The following FBXW7 variants were observed in gnomAD, a reference collection of about 807,000 sequenced individuals.
The protein encoded by FBXW7 is F-box and WD repeat domain containing 7.
Under a neutral mutation model 86.3 loss-of-function variants are expected in FBXW7, and 11 were observed. That is an observed-to-expected ratio of 0.13 (90% CI 0.08 to 0.21). FBXW7 has a LOEUF of 0.21. Among genes scored for constraint, FBXW7 ranks in the 10% least tolerant of loss-of-function variants. The pLI, the probability that FBXW7 is intolerant of heterozygous loss-of-function variation, is 1.00. For missense variants in FBXW7, 488 were observed against 847.4 expected, an observed-to-expected ratio of 0.58 and a Z score of 5.27; for synonymous variants, 313 against 297.9, an observed-to-expected ratio of 1.05 and a Z score of -0.52.
At chr4:152,452,368 T>G (rs980317934) in intron 2 of FBXW7, among the ~76,000 whole-genome samples, 3 of 152,238 alleles carry the variant, frequency 2.0e-5, no homozygotes, top group Admixed American at 2.0e-4. Flanking sequence ...AATACAGCGT[T>G]GGTCATTAAA....
chr4:152,503,415 G>A (rs2149703464), intron 2 of FBXW7, among the ~76,000 whole-genome samples: 1 of 152,032 alleles, frequency 6.6e-6, no homozygotes, highest in South Asian at 2.1e-4. Flanking sequence ...CATTACAGAT[G>A]CACACCACCA....
chr4:152,461,697 T>A (rs1742959563), intron 2 of FBXW7, among the ~76,000 whole-genome samples: 1 of 152,252 alleles, frequency 6.6e-6, no homozygotes, highest in Non-Finnish European at 1.5e-5. Context: ...TATCTAATAA[T>A]TTTTAGTTGA....
At chr4:152,392,335 C>T (rs1288844952) in intron 4 of FBXW7, among the ~76,000 whole-genome samples, 1 of 152,040 alleles carries the variant, frequency 6.6e-6, no homozygotes, top group South Asian at 2.1e-4. Flanking sequence ...ATTCAGCTTC[C>T]ACCTTGCTTG....
intron 2 of FBXW7, among the ~76,000 whole-genome samples, chr4:152,503,395 A>T (rs1416162887): frequency 2.0e-5 from 3 of 151,814 alleles, no homozygotes; most frequent in Non-Finnish European, 4.4e-5. Context: ...CTCAGCCTCC[A>T]AGTAGCTGGC....
Position 152,411,433 on chromosome 4 carries a change from T to C in FBXW7, c.371A>G (p.Asp124Gly), listed in dbSNP as rs745975806. 1.2e-6 allele frequency: 2 copies of C among 1,613,540 alleles called. No individual in the cohort carries two copies. Among genetic ancestry groups the C allele is most frequent in the South Asian group, 2.2e-5 (2 of 91,030 alleles). The change falls in exon 4 of 14, where the codon GAT becomes GGT. Residue 124 changes from aspartate to glycine, a missense_variant. Transcript: ENST00000281708. Reference sequence around the variant, plus strand: ...GCTACTATCATCAGACTGATCAAAATCGTCACTCTCCTGGTCCATCTCCTC... The same window carrying C: ...GCTACTATCATCAGACTGATCAAAACCGTCACTCTCCTGGTCCATCTCCTC... Reference protein sequence around the residue: ...EEEEMDQESDDFDQSDDSSRE... With the variant: ...EEEEMDQESDGFDQSDDSSRE...
At chr4:152,508,398 AG>A (rs930862944) in intron 2 of FBXW7, among the ~76,000 whole-genome samples, 30 of 152,322 alleles carry the variant, frequency 2.0e-4, no homozygotes, top group African/African-American at 7.2e-4. Context: ...CATCAATAAA[AG>A]TTAAAGTCTG....
intron 11 of FBXW7, among the ~76,000 whole-genome samples, chr4:152,327,584 T>C (rs1453941900): frequency 3.9e-5 from 6 of 152,046 alleles, no homozygotes. Flanking sequence ...AGAAACCATT[T>C]TGAAAACTGG....
chr4:152,508,287 A>G (rs1244056082), intron 2 of FBXW7, among the ~76,000 whole-genome samples: 1 of 152,240 alleles, frequency 6.6e-6, no homozygotes, highest in Non-Finnish European at 1.5e-5. Context: ...TATACATAAA[A>G]CATTAAATAA....
intron 10 of FBXW7, among the ~76,000 whole-genome samples, chr4:152,329,303 C>G (rs1729337973): frequency 6.6e-6 from 1 of 151,758 alleles, no homozygotes; most frequent in South Asian, 2.1e-4. Flanking sequence ...AAATAAATAT[C>G]CCTCAACCAT....
intron 4 of FBXW7, among the ~76,000 whole-genome samples, chr4:152,387,014 T>C (rs1735582121): frequency 6.6e-6 from 1 of 152,194 alleles, no homozygotes. Flanking sequence ...GAAATTTAAC[T>C]GCTCCTGACC....
intron 2 of FBXW7, among the ~76,000 whole-genome samples, chr4:152,525,263 T>A (rs1462500390): frequency 2.0e-5 from 3 of 152,178 alleles, no homozygotes; most frequent in African/African-American, 7.2e-5. Flanking sequence ...AAACTTTCCT[T>A]AAAAGGAGAA....
chr4:152,426,644 G>GA (rs1169752693), intron 2 of FBXW7, among the ~76,000 whole-genome samples: 1 of 152,130 alleles, frequency 6.6e-6, no homozygotes, highest in Non-Finnish European at 1.5e-5. Flanking sequence ...GTAACAGGGG[G>GA]ATCCCCCCAA....
chr4:152,497,045 G>A (rs968771293), intron 2 of FBXW7, among the ~76,000 whole-genome samples: 8 of 152,006 alleles, frequency 5.3e-5, no homozygotes, highest in African/African-American at 7.2e-5. Context: ...CACGAAGGCC[G>A]GGCACAATGG....
chr4:152,527,241 T>C (rs1441399123), intron 2 of FBXW7, among the ~76,000 whole-genome samples: 4 of 152,250 alleles, frequency 2.6e-5, no homozygotes, highest in Non-Finnish European at 4.4e-5. Flanking sequence ...CAAGAAATTA[T>C]TGAATTATGA....
intron 11 of FBXW7, 103 bp from the exon 12 acceptor site, chr4:152,326,334 CT>C (rs367926135): frequency 0.2 from 108,577 of 539,134 alleles, 1 homozygote; most frequent in South Asian, 0.26. Context: ...GGTTTTTTAG[CT>C]TTTTTTTTTT....
Position 152,347,088 on chromosome 4 carries a change from AAG to A in FBXW7, c.585-19_585-18del, listed in dbSNP as rs769442079. 5.0e-5 allele frequency: 78 copies of A among 1,558,422 alleles called. No homozygotes were observed. The highest frequency in any genetic ancestry group is 6.7e-5 in the Non-Finnish European group (77 of 1,151,172). ...CCAGTGGTACTACAAAAAAAAAAAA[AAG>A]AGAGAGAGAAAGGATAAAAGGAAAA... On this transcript the variant is annotated intron_variant, in intron 5 of 13. Transcript: ENST00000281708.
intron 2 of FBXW7, among the ~76,000 whole-genome samples, chr4:152,512,746 T>C (rs1389779484): frequency 2.6e-5 from 4 of 152,114 alleles, no homozygotes; most frequent in Non-Finnish European, 2.9e-5. Flanking sequence ...AAAGAGGAAA[T>C]GGGAAGTGAC....
chr4:152,522,724 CT>C (rs1462708365), intron 2 of FBXW7, among the ~76,000 whole-genome samples: 4 of 152,208 alleles, frequency 2.6e-5, no homozygotes, highest in African/African-American at 9.7e-5. Flanking sequence ...TTGTTATATA[CT>C]AAGCACTGTT....
intron 4 of FBXW7, among the ~76,000 whole-genome samples, chr4:152,351,660 A>G (rs1170609812): frequency 6.6e-6 from 1 of 152,158 alleles, no homozygotes; most frequent in African/African-American, 2.4e-5. Flanking sequence ...AGTACAGACT[A>G]TGTTAAAATC....
Sources: gnomAD v4.1 joint callset for allele counts (sites outside exome capture counted in the v4.1 genomes callset) on GRCh38, gnomAD v4.1.1 for gene constraint, MANE v1.5 for transcripts, NCBI Gene and HGNC (gene_info 2026-07-23, HGNC 2026-07-21) for gene names.